The following NRXN3 variants were observed in gnomAD, a reference collection of about 807,000 sequenced individuals.
The protein encoded by NRXN3 is neurexin III.
Under a neutral mutation model 137.6 loss-of-function variants are expected in NRXN3, and 32 were observed. The observed-to-expected ratio is 0.23, with a 90% CI of 0.18 to 0.31. The LOEUF (loss-of-function observed/expected upper bound fraction) is 0.31. NRXN3 is among the 10% of genes least tolerant of loss of function. The probability of loss-of-function intolerance (pLI) is 1.00; values close to 1 mark genes in which losing one functional copy is unlikely to be tolerated. For synonymous variants in NRXN3, 798 were observed against 784.5 expected (o/e 1.02, Z -0.29); for missense variants, 1,574 against 2,062.5 (o/e 0.76, Z 4.59).
intron 15 of NRXN3, among the ~76,000 whole-genome samples, chr14:79,394,456 G>A (rs893358067): frequency 9.2e-5 from 14 of 152,290 alleles, no homozygotes; most frequent in African/African-American, 3.4e-4. Flanking sequence ...GCTAGGAATG[G>A]TAGACTAGCG....
intron 6 of NRXN3, among the ~76,000 whole-genome samples, chr14:78,674,841 G>A (rs1228256828): frequency 6.6e-6 from 1 of 152,184 alleles, no homozygotes; most frequent in Non-Finnish European, 1.5e-5. Context: ...TTGGTTGAAA[G>A]TATCCACAGA....
chr14:78,737,549 T>C (rs140492691), intron 8 of NRXN3, among the ~76,000 whole-genome samples: 24 of 152,174 alleles, frequency 1.6e-4, no homozygotes, highest in Middle Eastern at 3.4e-3. Flanking sequence ...CACAGACAGC[T>C]CTGCTGCCCA....
intron 19 of NRXN3, among the ~76,000 whole-genome samples, chr14:79,769,931 C>A (rs2099071086): frequency 6.6e-6 from 1 of 152,026 alleles, no homozygotes; most frequent in Non-Finnish European, 1.5e-5. Flanking sequence ...GGAGGAAGAT[C>A]TACCAAGCAA....
At chr14:79,335,143 T>C (rs2092144330) in intron 15 of NRXN3, among the ~76,000 whole-genome samples, 2 of 152,254 alleles carry the variant, frequency 1.3e-5, no homozygotes, top group African/African-American at 4.8e-5. Flanking sequence ...TAAAGAACTG[T>C]GCTGTTTCTT....
intron 15 of NRXN3, among the ~76,000 whole-genome samples, chr14:79,126,620 T>G (rs566787878): frequency 0.015 from 2,339 of 152,256 alleles, 48 homozygotes; most frequent in African/African-American, 0.053. Flanking sequence ...TTGTGAATAA[T>G]GCCGCAATAA....
intron 4 of NRXN3, among the ~76,000 whole-genome samples, chr14:78,461,512 A>G (rs1598967626): frequency 6.6e-6 from 1 of 152,166 alleles, no homozygotes; most frequent in Non-Finnish European, 1.5e-5. Context: ...TTTTGCATGG[A>G]TGTTCTCTCG....
intron 1 of NRXN3, among the ~76,000 whole-genome samples, chr14:78,237,978 G>A (rs1421792084): frequency 6.6e-6 from 1 of 152,134 alleles, no homozygotes; most frequent in Non-Finnish European, 1.5e-5. Context: ...CCCACTTGTA[G>A]ACAGTCCGAC....
intron 20 of NRXN3, among the ~76,000 whole-genome samples, chr14:79,842,753 G>T (rs1445315041): frequency 6.6e-6 from 1 of 152,044 alleles, no homozygotes; most frequent in African/African-American, 2.4e-5. Flanking sequence ...TATGTCAAGA[G>T]TAGCCATAAT....
intron 15 of NRXN3, among the ~76,000 whole-genome samples, chr14:79,001,125 G>A (rs2099540531): frequency 6.6e-6 from 1 of 152,156 alleles, no homozygotes; most frequent in East Asian, 1.9e-4. Flanking sequence ...GAATCTTTTG[G>A]TGGCGGATTC....
At chr14:79,544,932 A>T (rs768690372) in intron 16 of NRXN3, among the ~76,000 whole-genome samples, 1 of 152,178 alleles carries the variant, frequency 6.6e-6, no homozygotes, top group African/African-American at 2.4e-5. Context: ...GGAAGAGGGG[A>T]AAGCTCAGAT....
In NRXN3 at chr14:79,467,249, T is replaced by A; in HGVS notation, c.3291T>A (p.Ser1097Arg). Residue 1097 changes from serine to arginine, a missense_variant, in exon 16 of 21, where the codon AGT becomes AGA. Physicochemically the swap from Ser to Arg is moderately radical, Grantham distance 110. Around this residue, in one of 5 missense-constraint regions of NRXN3, gnomAD observed 133 missense variants for 241.8 expected, o/e 0.55. Coordinates refer to ENST00000335750, the MANE Select transcript of NRXN3 (RefSeq NM_001330195.2). ...DPGATYIFGK[S>R]GGLILYTWPA... ...GCGCTACGTACATCTTTGGGAAAAG[T>A]GGTGGGCTTATCCTCTACACCTGGC... 1 of 1,604,638 alleles carries A rather than the reference T, an allele frequency of 6.2e-7. No individual in the cohort carries two copies. The highest frequency in any genetic ancestry group is 8.5e-7 in the Non-Finnish European group (1 of 1,172,248).
intron 6 of NRXN3, among the ~76,000 whole-genome samples, chr14:78,702,571 A>G (rs915677693): frequency 6.6e-6 from 1 of 151,560 alleles, no homozygotes; most frequent in African/African-American, 2.4e-5. Context: ...CAGGATCCCG[A>G]GTAGCTGGGA....
chr14:78,613,465 TA>T (rs2097316860), intron 4 of NRXN3, among the ~76,000 whole-genome samples: 1 of 152,248 alleles, frequency 6.6e-6, no homozygotes, highest in Admixed American at 6.5e-5. Context: ...ATAAGCCCTT[TA>T]TCTAGCTATT....
intron 4 of NRXN3, among the ~76,000 whole-genome samples, chr14:78,517,770 G>A (rs532291458): frequency 1.5e-3 from 221 of 152,244 alleles, no homozygotes; most frequent in Middle Eastern, 6.8e-3. Context: ...CTATCTAGAC[G>A]TCAAAAATCA....
chr14:79,632,584 C>G (rs1401939020), intron 16 of NRXN3, among the ~76,000 whole-genome samples: 1 of 152,184 alleles, frequency 6.6e-6, no homozygotes, highest in African/African-American at 2.4e-5. Context: ...CAGTCTCACC[C>G]ATGTTCTACA....
At chr14:78,810,767 G>T (rs1205869571) in intron 10 of NRXN3, among the ~76,000 whole-genome samples, 1 of 152,166 alleles carries the variant, frequency 6.6e-6, no homozygotes, top group East Asian at 1.9e-4. Context: ...ACCCACAGGT[G>T]GCTGCCAACT....
At chr14:79,412,074 A>G (rs2095424961) in intron 15 of NRXN3, among the ~76,000 whole-genome samples, 1 of 152,112 alleles carries the variant, frequency 6.6e-6, no homozygotes, top group South Asian at 2.1e-4. Flanking sequence ...TGGTTAATCT[A>G]CATGTCCCTG....
chr14:79,479,050 A>G (rs1054884034), intron 16 of NRXN3, among the ~76,000 whole-genome samples: 8 of 152,264 alleles, frequency 5.3e-5, no homozygotes, highest in Non-Finnish European at 8.8e-5. Flanking sequence ...ATCATGTGCA[A>G]TGAGGCATGG....
chr14:79,199,012 A>T (rs901168091), intron 15 of NRXN3, among the ~76,000 whole-genome samples: 1 of 152,134 alleles, frequency 6.6e-6, no homozygotes, highest in Admixed American at 6.5e-5. Flanking sequence ...TAAAAATACA[A>T]AAAAATTATC....
Sources: gnomAD v4.1 joint callset for allele counts (sites outside exome capture counted in the v4.1 genomes callset) on GRCh38, gnomAD v4.1.1 for gene constraint, gnomAD v4.1.1 regional missense constraint, MANE v1.5 for transcripts, NCBI Gene and HGNC (gene_info 2026-07-23, HGNC 2026-07-21) for gene names.